The following MEIOSIN variants were observed in gnomAD, a reference collection of about 807,000 sequenced individuals.
The protein encoded by MEIOSIN is meiosis initiator.
MEIOSIN carries 18 observed loss-of-function variants against 23.4 expected under a neutral mutation model. The ratio of observed to expected loss-of-function variants is 0.77; its 90% CI spans 0.53 to 1.14. The LOEUF (loss-of-function observed/expected upper bound fraction) is 1.14, where lower values mean the gene tolerates loss of function less well. Among genes scored for constraint, MEIOSIN ranks in the 50% most tolerant of loss-of-function variants. The pLI, the probability that MEIOSIN is intolerant of heterozygous loss-of-function variation, is 0.00. For synonymous variants in MEIOSIN, 187 were observed against 100.6 expected, an observed-to-expected ratio of 1.86 and a Z score of -5.14; for missense variants, 428 against 242.9, an observed-to-expected ratio of 1.76 and a Z score of -5.07.
chr19:45,754,013 C>A (rs1393760237), intron 6 of MEIOSIN, among the ~76,000 whole-genome samples: 1 of 147,338 alleles, frequency 6.8e-6, no homozygotes, highest in Non-Finnish European at 1.5e-5. Context: ...GAGAGACTCT[C>A]ACTCTGTCCA....
At chr19:45,752,040 T>A (rs999197959) in intron 5 of MEIOSIN, among the ~76,000 whole-genome samples, 1 of 145,710 alleles carries the variant, frequency 6.9e-6, no homozygotes, top group Non-Finnish European at 1.5e-5. Flanking sequence ...GCCGTTTTTT[T>A]TTTTTTTTTT....
rs746935141 is a variant in MEIOSIN, at chr19:45,750,693, G to A, written c.325G>A (p.Val109Ile). The change falls in exon 5 of 15, where the codon GTC becomes ATC. Residue 109 changes from valine (V) to isoleucine (I), a missense_variant. Coordinates refer to ENST00000457052, the MANE Select transcript of MEIOSIN (RefSeq NM_001310124.2). ...GAGGCAGAAGGAGATTCTGGTGCAT[G>A]TCCTGCAGTACATTCAGTACCTCCA... ...KLTKKEILVH[V>I]LQYIQYLQRN... 10 of 607,560 alleles carry A rather than the reference G, an allele frequency of 1.6e-5. No homozygotes were observed. The African/African-American group carries it at 1.9e-4, about 11-fold the overall frequency. 37.6% of individuals were successfully genotyped at this position (607,560 alleles called of 1,614,324 possible).
chr19:45,734,352 T>C (rs1446902323), intron 1 of MEIOSIN, among the ~76,000 whole-genome samples: 3 of 152,150 alleles, frequency 2.0e-5, no homozygotes, highest in African/African-American at 7.2e-5. Flanking sequence ...CATAGGGGCC[T>C]GGATTTCTTA....
At chr19:45,762,910 C>G (rs554580740) in intron 13 of MEIOSIN, among the ~76,000 whole-genome samples, 2 of 152,336 alleles carry the variant, frequency 1.3e-5, no homozygotes, top group African/African-American at 4.8e-5. Context: ...TGGGGTCACC[C>G]CAGGAGGCAC....
At chr19:45,736,671 C>G (rs905732504) in intron 2 of MEIOSIN, among the ~76,000 whole-genome samples, 1 of 152,088 alleles carries the variant, frequency 6.6e-6, no homozygotes, top group East Asian at 1.9e-4. Flanking sequence ...CGGATTCACG[C>G]TATTCTCCTG....
At chr19:45,737,415 A>G (rs1366975695) in intron 2 of MEIOSIN, among the ~76,000 whole-genome samples, 1 of 150,556 alleles carries the variant, frequency 6.6e-6, no homozygotes, top group Admixed American at 6.6e-5. Flanking sequence ...CCTGGGATCC[A>G]GTGATCCACC....
chr19:45,744,049 C>CTT (rs373791690), intron 3 of MEIOSIN, among the ~76,000 whole-genome samples: 4 of 144,250 alleles, frequency 2.8e-5, no homozygotes, highest in Admixed American at 1.4e-4. Context: ...CTTATTTTTA[C>CTT]TTTTTTTTTT....
intron 2 of MEIOSIN, among the ~76,000 whole-genome samples, 195 bp downstream of exon 2, chr19:45,735,642 C>T (rs1366191231): frequency 6.6e-6 from 1 of 152,124 alleles, no homozygotes; most frequent in East Asian, 1.9e-4. Context: ...GATGAGAGTA[C>T]TCTGAGGTGA....
At chr19:45,743,692 T>G (rs1263701637) in intron 3 of MEIOSIN, among the ~76,000 whole-genome samples, 1 of 152,058 alleles carries the variant, frequency 6.6e-6, no homozygotes, top group Non-Finnish European at 1.5e-5. Context: ...TGGCTGATTT[T>G]TGTATTTTTA....
rs924887637 is a variant in MEIOSIN at position 45,764,471 on chromosome 19, C to T, written c.*353C>T. 1 of 242,006 alleles carries T rather than the reference C, an allele frequency of 4.1e-6. No homozygotes were observed. The highest frequency in any genetic ancestry group is 7.9e-6 in the Non-Finnish European group (1 of 126,854). 15.0% of individuals were successfully genotyped at this position (242,006 alleles called of 1,614,324 possible). A position where few individuals can be genotyped will look rare whatever the true frequency, so the allele number is the denominator to read the frequency against. ...TGCTCACCTCACCCTACTCCTCCCT[C>T]TCCTGTTCTATTTTTAGACTATTTA... On this transcript the variant is annotated 3_prime_UTR_variant, in exon 15 of 15. Coordinates refer to ENST00000457052, the MANE Select transcript of MEIOSIN (RefSeq NM_001310124.2).
At chr19:45,735,315 G>T in intron 1 of MEIOSIN, 62 bp from the exon 2 acceptor site, 5 of 698,336 alleles carry the variant, frequency 7.2e-6, no homozygotes, top group Non-Finnish European at 1.3e-5. Flanking sequence ...GCCCATCAGG[G>T]TTCCTGCCCA....
chr19:45,763,162 T>C (rs566319333), intron 13 of MEIOSIN, among the ~76,000 whole-genome samples, 176 bp from the exon 14 acceptor site: 2 of 152,244 alleles, frequency 1.3e-5, no homozygotes, highest in Admixed American at 6.5e-5. Context: ...CCCTGCACTC[T>C]CCTGGGACAC....
intron 2 of MEIOSIN, among the ~76,000 whole-genome samples, chr19:45,736,704 G>A (rs1968413545): frequency 6.6e-6 from 1 of 151,940 alleles, no homozygotes; most frequent in African/African-American, 2.4e-5. Context: ...GAGTAGCTGG[G>A]ACTACAGGCG....
intron 3 of MEIOSIN, among the ~76,000 whole-genome samples, chr19:45,740,465 T>C (rs1415711681): frequency 6.6e-6 from 1 of 152,028 alleles, no homozygotes; most frequent in Non-Finnish European, 1.5e-5. Flanking sequence ...TTAAAACAAA[T>C]GAAGGCCGGG....
chr19:45,755,691 C>T (rs1037921315), intron 7 of MEIOSIN, among the ~76,000 whole-genome samples: 1 of 152,148 alleles, frequency 6.6e-6, no homozygotes, highest in African/African-American at 2.4e-5. Context: ...TCGTGATCCA[C>T]CGCCTCAGCC....
chr19:45,735,823 C>T (rs772863583), intron 2 of MEIOSIN, among the ~76,000 whole-genome samples: 4 of 152,072 alleles, frequency 2.6e-5, no homozygotes, highest in Non-Finnish European at 4.4e-5. Context: ...ACTACAGGCT[C>T]ATGCCTCCAT....
rs151183858 is a variant in MEIOSIN, at chr19:45,745,910, A to G, written c.306+589A>G. ...TATGGTTCTGGAGTTCAGAAGTCCA[A>G]TATCAGTCTCAGTGGCTTTTTCACT... On this transcript the variant is annotated intron_variant, in intron 4 of 14. Coordinates refer to ENST00000457052, the MANE Select transcript of MEIOSIN (RefSeq NM_001310124.2). Among the ~76,000 whole-genome samples the G allele has an allele frequency of 2.7e-3, 414 of 152,154 alleles. 4 individuals are homozygous for G. The highest frequency in any genetic ancestry group is 9.0e-3 in the African/African-American group (373 of 41,542).
At chr19:45,735,145 C>T (rs1968389476) in intron 1 of MEIOSIN, among the ~76,000 whole-genome samples, 1 of 152,076 alleles carries the variant, frequency 6.6e-6, no homozygotes, top group African/African-American at 2.4e-5. Context: ...TTGCCTGCCT[C>T]GGCCTCCCAG....
At chr19:45,763,002 A>G (rs1222846349) in intron 13 of MEIOSIN, among the ~76,000 whole-genome samples, 1 of 152,180 alleles carries the variant, frequency 6.6e-6, no homozygotes, top group Non-Finnish European at 1.5e-5. Context: ...CTTGGGACTG[A>G]CTTTGGTAGA....
Sources: gnomAD v4.1 joint callset for allele counts (sites outside exome capture counted in the v4.1 genomes callset) on GRCh38, gnomAD v4.1.1 for gene constraint, MANE v1.5 for transcripts, NCBI Gene and HGNC (gene_info 2026-07-23, HGNC 2026-07-21) for gene names.